Variants in NKAIN2 observed in about 807,000 individuals in gnomAD.
NKAIN2 encodes sodium/potassium-transporting ATPase subunit beta-1-interacting protein 2.
NKAIN2 carries 14 observed loss-of-function variants against 32.6 expected under a neutral mutation model. The ratio of observed to expected loss-of-function variants is 0.43; its 90% confidence interval spans 0.28 to 0.67. The LOEUF (loss-of-function observed/expected upper bound fraction) is 0.67, where lower values mean the gene tolerates loss of function less well. Among genes scored for constraint, NKAIN2 ranks in the 30% least tolerant of loss-of-function variants. The pLI, the probability that NKAIN2 is intolerant of heterozygous loss-of-function variation, is 0.17. For missense variants in NKAIN2, 198 were observed against 258.3 expected (o/e 0.77, Z 1.60); for synonymous variants, 80 against 87.2 (o/e 0.92, Z 0.46).
chr6:124,451,762 A>G (rs979286312), intron 3 of NKAIN2, among the ~76,000 whole-genome samples: 5 of 152,036 alleles, frequency 3.3e-5, no homozygotes, highest in African/African-American at 9.7e-5. Context: ...ATGGACTTAG[A>G]TCAATATAAT....
At chr6:124,066,860 G>A (rs62435620) in intron 1 of NKAIN2, among the ~76,000 whole-genome samples, 6,783 of 53,624 alleles carry the variant, frequency 0.13, 226 homozygotes, top group Middle Eastern at 0.17. Context: ...AATTTGCTGC[G>A]TTTGTGTGTG....
At chr6:123,892,503 A>G (rs1774068247) in intron 1 of NKAIN2, among the ~76,000 whole-genome samples, 2 of 151,918 alleles carry the variant, frequency 1.3e-5, no homozygotes, top group Non-Finnish European at 2.9e-5. Flanking sequence ...TGAGAACAGC[A>G]TGGGGGAAAC....
rs544334508 is a variant in NKAIN2 at position 124,658,744 on chromosome 6, A to G, written c.474+358A>G. ...CAGTACTCAAAATTATAAGATTTCCATAAGTGTTTTCTCTTTTAGTGCTTC... is the reference window on the plus strand; with the variant it reads ...CAGTACTCAAAATTATAAGATTTCCGTAAGTGTTTTCTCTTTTAGTGCTTC... On this transcript the variant is annotated intron_variant, in intron 4 of 6. Transcript: ENST00000368417. 18 of 398,676 alleles carry G rather than the reference A, an allele frequency of 4.5e-5. No homozygotes were observed. In the East Asian group the frequency reaches 5.6e-4, roughly 12 times the overall value. 24.7% of individuals were successfully genotyped at this position (398,676 alleles called of 1,614,324 possible). A position where few individuals can be genotyped will look rare whatever the true frequency, so the allele number is the denominator to read the frequency against.
intron 3 of NKAIN2, among the ~76,000 whole-genome samples, chr6:124,448,066 T>C (rs1437539389): frequency 2.6e-5 from 4 of 152,126 alleles, no homozygotes; most frequent in Admixed American, 6.6e-5. Context: ...TAACATAACA[T>C]GTGGTCTGAG....
At chr6:124,163,454 C>T (rs1286238404) in intron 1 of NKAIN2, among the ~76,000 whole-genome samples, 1 of 151,934 alleles carries the variant, frequency 6.6e-6, no homozygotes, top group Non-Finnish European at 1.5e-5. Context: ...GAAATGCAGG[C>T]ATTTTCCACA....
At chr6:123,885,314 G>A (rs1773661866) in intron 1 of NKAIN2, among the ~76,000 whole-genome samples, 2 of 152,082 alleles carry the variant, frequency 1.3e-5, no homozygotes, top group South Asian at 2.1e-4. Context: ...CTTCTGATTA[G>A]CAGCTCCAAG....
chr6:124,646,485 A>G (rs1445493587), intron 3 of NKAIN2, among the ~76,000 whole-genome samples: 1 of 152,122 alleles, frequency 6.6e-6, no homozygotes, highest in Non-Finnish European at 1.5e-5. Flanking sequence ...GGAGGAAAAA[A>G]TTAAGGATAT....
chr6:124,115,036 G>A (rs1053098526), intron 1 of NKAIN2, among the ~76,000 whole-genome samples: 2 of 152,198 alleles, frequency 1.3e-5, no homozygotes, highest in African/African-American at 2.4e-5. Context: ...ATGTGTGTGT[G>A]TATGTATTTG....
At chr6:124,782,010 C>T (rs1237679815) in intron 4 of NKAIN2, among the ~76,000 whole-genome samples, 2 of 152,124 alleles carry the variant, frequency 1.3e-5, no homozygotes, top group East Asian at 3.9e-4. Context: ...GCAACAAGTA[C>T]TTTGCTTCAG....
At chr6:123,944,560 A>G (rs554615636) in intron 1 of NKAIN2, among the ~76,000 whole-genome samples, 10 of 152,202 alleles carry the variant, frequency 6.6e-5, no homozygotes, top group African/African-American at 2.2e-4. Context: ...TATCATCCAG[A>G]TAATTGTAGC....
chr6:124,127,817 T>C (rs1347715769), intron 1 of NKAIN2, among the ~76,000 whole-genome samples: 1 of 151,588 alleles, frequency 6.6e-6, no homozygotes, highest in Non-Finnish European at 1.5e-5. Flanking sequence ...AGTGAGGAGG[T>C]CGATGGTTGC....
chr6:124,794,640 G>T (rs1410969894), intron 5 of NKAIN2, among the ~76,000 whole-genome samples: 6 of 152,138 alleles, frequency 3.9e-5, no homozygotes, highest in South Asian at 2.1e-4. Context: ...ACTGACGCTT[G>T]CCTCAGATGT....
intron 3 of NKAIN2, among the ~76,000 whole-genome samples, chr6:124,597,168 G>T (rs2114973021): frequency 6.6e-6 from 1 of 152,094 alleles, no homozygotes; most frequent in Non-Finnish European, 1.5e-5. Flanking sequence ...CCAAATATCT[G>T]GGCACTTCAT....
At chr6:124,692,887 C>T (rs916143262) in intron 4 of NKAIN2, among the ~76,000 whole-genome samples, 2 of 152,048 alleles carry the variant, frequency 1.3e-5, no homozygotes, top group Non-Finnish European at 2.9e-5. Context: ...TATCACAAGA[C>T]GAACTATGCA....
rs115396623 is a variant in NKAIN2 at position 124,092,362 on chromosome 6, A to G, written c.55-190643A>G. Among the ~76,000 whole-genome samples, 901 of 152,240 alleles carry G rather than the reference A, an allele frequency of 5.9e-3. 7 individuals are homozygous for G. Among genetic ancestry groups the G allele is most frequent in the African/African-American group, 0.021 (874 of 41,576 alleles). On this transcript the variant is annotated intron_variant, in intron 1 of 6. Transcript: ENST00000368417. The stretch of plus-strand genomic sequence containing the variant: ...CTAAATCTAATGAGAACCAGCAGAG[A>G]TCATCAGAGGTTTAGAAAATATATA...
At chr6:124,792,247 A>G (rs1312965693) in intron 5 of NKAIN2, among the ~76,000 whole-genome samples, 1 of 152,200 alleles carries the variant, frequency 6.6e-6, no homozygotes, top group African/African-American at 2.4e-5. Context: ...CAGTAAGGAA[A>G]GAGGAAGGTG....
chr6:124,637,185 G>A (rs537804215), intron 3 of NKAIN2, among the ~76,000 whole-genome samples: 1 of 152,134 alleles, frequency 6.6e-6, no homozygotes, highest in East Asian at 1.9e-4. Context: ...ATCATATTCA[G>A]CATAGCTTAA....
At chr6:124,134,364 G>A (rs1786626923) in intron 1 of NKAIN2, among the ~76,000 whole-genome samples, 1 of 151,986 alleles carries the variant, frequency 6.6e-6, no homozygotes, top group African/African-American at 2.4e-5. Context: ...AGAAATTTGG[G>A]ATTATGTTAA....
intron 5 of NKAIN2, among the ~76,000 whole-genome samples, chr6:124,816,853 T>G (rs1781190172): frequency 1.3e-5 from 2 of 152,228 alleles, no homozygotes. Context: ...CTTTTGTTTC[T>G]TTTATCCCCA....
Sources: allele counts gnomAD v4.1 joint callset (sites outside exome capture counted in the v4.1 genomes callset), GRCh38; gene constraint gnomAD v4.1.1; transcripts MANE v1.5; gene names NCBI Gene and HGNC (gene_info 2026-07-23, HGNC 2026-07-21).